Variants in SLC12A2 observed in about 807,000 individuals in gnomAD.
SLC12A2 encodes the protein Na-K-2Cl cotransporter 1.
Under a neutral mutation model 136.3 loss-of-function variants are expected in SLC12A2, and 67 were observed. That is an observed-to-expected ratio of 0.49 (90% CI 0.40 to 0.60). SLC12A2 has a LOEUF of 0.60. SLC12A2 is among the 20% of genes least tolerant of loss of function. SLC12A2 has a pLI of 0.00. For missense variants in SLC12A2, 1,322 were observed against 1,534.7 expected, an observed-to-expected ratio of 0.86 and a Z score of 2.32; for synonymous variants, 619 against 562.9, an observed-to-expected ratio of 1.10 and a Z score of -1.41.
intron 1 of SLC12A2, chr5:128,110,221 G>T: frequency 1.2e-6 from 1 of 808,310 alleles, no homozygotes; most frequent in Non-Finnish European, 2.3e-6. Context: ...TGGAAAAAAA[G>T]AAATCCAATT....
At position 128,138,898 on chromosome 5, in the gene SLC12A2, A is replaced by G; in HGVS notation, c.1611A>G (p.Ala537=). The G allele has an allele frequency of 6.2e-7, 1 of 1,608,064 alleles. No individual in the cohort carries two copies. Among genetic ancestry groups the G allele is most frequent in the African/African-American group, 1.3e-5 (1 of 74,938 alleles). ...CTACATTGGTTTACGTAGGAATTGC[A>G]GTATCTGTAGGTAAATAGTTTCACA... ...LITTLVYVGI[A]VSVGSCVVRD... The change falls in exon 9 of 27, where the codon GCA becomes GCG. Residue 537 remains alanine, a synonymous_variant. Transcript: ENST00000262461.
chr5:128,153,240 A>C (rs1011795413), intron 15 of SLC12A2, among the ~76,000 whole-genome samples: 7 of 152,212 alleles, frequency 4.6e-5, no homozygotes, highest in African/African-American at 1.7e-4. Context: ...TATTTTCCTC[A>C]ATAAATGACT....
At chr5:128,158,369 T>C (rs944872908) in intron 16 of SLC12A2, among the ~76,000 whole-genome samples, 4 of 151,990 alleles carry the variant, frequency 2.6e-5, no homozygotes, top group Non-Finnish European at 4.4e-5. Context: ...TAGCCTCAAG[T>C]AGGCCTCAGT....
chr5:128,098,139 ATTTGTGTATCC>A (rs1274390340), intron 1 of SLC12A2, among the ~76,000 whole-genome samples: 1 of 151,940 alleles, frequency 6.6e-6, no homozygotes, highest in Non-Finnish European at 1.5e-5. Flanking sequence ...GAGTTTCTCT[ATTTGTGTATCC>A]TTTGTCAGTT....
chr5:128,178,274 T>G (rs527811265), intron 21 of SLC12A2: 123 of 180,128 alleles, frequency 6.8e-4, no homozygotes, highest in African/African-American at 2.7e-3. Context: ...TAATTTTTTT[T>G]ATTGTTATTT....
At position 128,187,572 on chromosome 5, in the gene SLC12A2, TA is replaced by T. The variant is rs1447516042; in HGVS notation, c.*943del. ...TCATTTAGTAGAATATTTCAGTATTTAAGTGGAATTTCAGTATACTGTACTA... is the reference window on the plus strand; with the variant it reads ...TCATTTAGTAGAATATTTCAGTATTTAGTGGAATTTCAGTATACTGTACTA... On this transcript the variant is annotated 3_prime_UTR_variant, in exon 27 of 27. Transcript: ENST00000262461. 6.6e-6 allele frequency: 1 copy of T among 152,304 alleles called. No homozygotes were observed. The highest frequency in any genetic ancestry group is 6.5e-5 in the Admixed American group (1 of 15,282). The allele number at this position is 152,304 out of a possible 1,614,324, so 9.4% of individuals were successfully genotyped here.
At chr5:128,132,433 A>G (rs1420648119) in intron 5 of SLC12A2, among the ~76,000 whole-genome samples, 1 of 152,192 alleles carries the variant, frequency 6.6e-6, no homozygotes, top group Admixed American at 6.5e-5. Flanking sequence ...TGACTTTTGG[A>G]TTTAGATGGA....
At chr5:128,110,683 C>T in intron 1 of SLC12A2, 3 of 1,375,064 alleles carry the variant, frequency 2.2e-6, no homozygotes, top group Non-Finnish European at 3.1e-6. Context: ...AACATTTTTA[C>T]AATGAGCTCT....
chr5:128,165,252 G>T (rs1763165195), intron 17 of SLC12A2, among the ~76,000 whole-genome samples: 1 of 152,110 alleles, frequency 6.6e-6, no homozygotes, highest in Admixed American at 6.6e-5. Flanking sequence ...TTGTATATTT[G>T]TATTTCCTTT....
rs773519189 is a variant in SLC12A2, at chr5:128,174,669, A to G, written c.2929+3A>G. ...TGAAAAACCAATTACACACAAAGGT[A>G]ATTTTCATTCAAACAATAAGTCTTA... On this transcript the variant is annotated splice_donor_region_variant and intron_variant, in intron 20 of 26. Transcript: ENST00000262461. The G allele has an allele frequency of 6.3e-7, 1 of 1,581,158 alleles. No homozygotes were observed. The highest frequency in any genetic ancestry group is 2.3e-5 in the East Asian group (1 of 43,972).
At chr5:128,151,528 T>C (rs1762701309) in intron 14 of SLC12A2, 132 bp downstream of exon 14, 1 of 740,400 alleles carries the variant, frequency 1.4e-6, no homozygotes, top group Non-Finnish European at 2.0e-6. Context: ...GTATAAAACC[T>C]AAAATACTTT....
chr5:128,181,447 C>G (rs1178999002), intron 23 of SLC12A2, among the ~76,000 whole-genome samples: 1 of 152,104 alleles, frequency 6.6e-6, no homozygotes, highest in Non-Finnish European at 1.5e-5. Flanking sequence ...TCTCTAAGTA[C>G]TCTTGTTTTG....
chr5:128,115,010 A>C (rs1050728473), intron 4 of SLC12A2, among the ~76,000 whole-genome samples: 4 of 152,196 alleles, frequency 2.6e-5, no homozygotes, highest in African/African-American at 9.7e-5. Flanking sequence ...CATTTGTTCA[A>C]CATTGTATTG....
chr5:128,184,528 A>T (rs915411874), intron 25 of SLC12A2, 27 bp downstream of exon 25: 11 of 1,543,264 alleles, frequency 7.1e-6, no homozygotes, highest in African/African-American at 1.4e-5. Context: ...CCTTTTCATT[A>T]ATCTTTTATA....
chr5:128,137,334 T>C (rs904705517), intron 7 of SLC12A2, among the ~76,000 whole-genome samples: 31 of 152,194 alleles, frequency 2.0e-4, no homozygotes, highest in African/African-American at 7.5e-4. Context: ...ATATGTTGTT[T>C]CTCTTTTCTG....
In SLC12A2 at chr5:128,131,122, T is replaced by C; in HGVS notation, c.1104T>C (p.Ile368=). 1 of 1,614,104 alleles carries C rather than the reference T, an allele frequency of 6.2e-7. No individual in the cohort carries two copies. The highest frequency in any genetic ancestry group is 2.2e-5 in the East Asian group (1 of 44,880). Residue 368 remains isoleucine (I), a synonymous_variant, in exon 5 of 27, where the codon ATT becomes ATC. Coordinates refer to ENST00000262461, the MANE Select transcript of SLC12A2 (RefSeq NM_001046.3). The part of the protein sequence containing the change: ...RSLGPEFGGA[I]GLIFAFANAV... ...TAGGGCCAGAATTTGGTGGTGCAAT[T>C]GGTCTAATCTTCGCCTTTGCCAACG...
intron 4 of SLC12A2, among the ~76,000 whole-genome samples, chr5:128,121,692 A>G (rs900955090): frequency 1.3e-5 from 2 of 152,174 alleles, no homozygotes; most frequent in Non-Finnish European, 2.9e-5. Flanking sequence ...TGCCTTCCAC[A>G]TAAGAATAGC....
At chr5:128,168,699 A>C (rs972356373) in intron 18 of SLC12A2, 2 of 152,152 alleles carry the variant, frequency 1.3e-5, no homozygotes, top group African/African-American at 4.8e-5. Flanking sequence ...TCTCATAAGG[A>C]GCGCACAACC....
intron 20 of SLC12A2, among the ~76,000 whole-genome samples, chr5:128,175,266 C>T (rs1355939430): frequency 1.3e-5 from 2 of 152,044 alleles, no homozygotes; most frequent in Admixed American, 6.6e-5. Flanking sequence ...TGTCTCTGTA[C>T]AGTTTATCTC....
Sources: allele counts gnomAD v4.1 joint callset (sites outside exome capture counted in the v4.1 genomes callset), GRCh38; gene constraint gnomAD v4.1.1; transcripts MANE v1.5; gene names NCBI Gene and HGNC (gene_info 2026-07-23, HGNC 2026-07-21).